The following UNC79 variants were observed in gnomAD, a reference collection of about 807,000 sequenced individuals.
UNC79 encodes protein unc-79 homolog.
A neutral mutation model predicts 283.1 loss-of-function variants in UNC79; 37 were observed. That is an observed-to-expected ratio of 0.13 (90% CI 0.10 to 0.17). UNC79 has a LOEUF of 0.17. Among genes scored for constraint, UNC79 ranks in the 10% least tolerant of loss-of-function variants. The pLI is 1.00. For missense variants in UNC79, 2,272 were observed against 3,211.1 expected (o/e 0.71, Z 7.07); for synonymous variants, 1,107 against 1,200.2 (o/e 0.92, Z 1.61).
intron 24 of UNC79, among the ~76,000 whole-genome samples, chr14:93,599,357 T>A (rs1225230881): frequency 2.4e-5 from 3 of 125,200 alleles, no homozygotes; most frequent in Admixed American, 7.4e-5. Context: ...TACTTAAGTG[T>A]GTGTGTGTGT....
intron 16 of UNC79, among the ~76,000 whole-genome samples, chr14:93,573,280 A>G (rs577468743): frequency 9.2e-5 from 14 of 152,240 alleles, no homozygotes; most frequent in African/African-American, 3.1e-4. Flanking sequence ...ATTATCCCCT[A>G]TGTGAACTTT....
intron 40 of UNC79, among the ~76,000 whole-genome samples, chr14:93,666,627 C>T (rs560828240): frequency 2.6e-5 from 4 of 152,106 alleles, no homozygotes; most frequent in Admixed American, 2.6e-4. Flanking sequence ...ATATAATAGG[C>T]TTACAAAGAT....
chr14:93,398,371 G>C (rs1418782002), intron 1 of UNC79, among the ~76,000 whole-genome samples: 2 of 152,154 alleles, frequency 1.3e-5, no homozygotes, highest in Non-Finnish European at 2.9e-5. Flanking sequence ...TTATAGAGAA[G>C]AAACAAGTTT....
chr14:93,337,915 C>T (rs1019354596), intron 1 of UNC79, among the ~76,000 whole-genome samples: 1 of 152,080 alleles, frequency 6.6e-6, no homozygotes, highest in Admixed American at 6.5e-5. Context: ...ATGTCTGGTC[C>T]AGCTGCAGCC....
chr14:93,692,277 G>A (rs915573977), intron 46 of UNC79, among the ~76,000 whole-genome samples: 1 of 152,094 alleles, frequency 6.6e-6, no homozygotes, highest in South Asian at 2.1e-4. Flanking sequence ...CAATGTACAT[G>A]TTAAATAGCT....
At chr14:93,555,549 G>A (rs1476287780) in intron 14 of UNC79, among the ~76,000 whole-genome samples, 4 of 151,990 alleles carry the variant, frequency 2.6e-5, no homozygotes, top group African/African-American at 9.7e-5. Flanking sequence ...GACTACAGGT[G>A]CACGCCACCA....
chr14:93,626,796 T>C (rs1352508009), intron 30 of UNC79, among the ~76,000 whole-genome samples: 2 of 152,214 alleles, frequency 1.3e-5, no homozygotes, highest in African/African-American at 4.8e-5. Context: ...AGACAAACAT[T>C]AGTATAGAGT....
rs553638918 is a variant in UNC79, at chr14:93,669,075, A to G, written c.6637-4276A>G. The stretch of plus-strand genomic sequence containing the variant: ...GCATTACACAATGTTAAATAAATGG[A>G]AAGAGATTTTATGTTCATGGATGAA... On this transcript the variant is annotated intron_variant, in intron 40 of 48. Transcript: ENST00000555664. Among the ~76,000 whole-genome samples, 30 of 151,958 alleles carry G rather than the reference A, an allele frequency of 2.0e-4. No homozygotes were observed. In the South Asian group the frequency reaches 6.0e-3, roughly 31 times the overall value.
intron 29 of UNC79, among the ~76,000 whole-genome samples, 157 bp downstream of exon 30, chr14:93,618,511 T>G (rs1239027823): frequency 1.3e-5 from 2 of 152,212 alleles, no homozygotes; most frequent in Non-Finnish European, 2.9e-5. Flanking sequence ...ATGTTGCTGC[T>G]TTAACTTTGA....
chr14:93,636,735 G>T (rs1026093251), intron 31 of UNC79, among the ~76,000 whole-genome samples: 1 of 151,752 alleles, frequency 6.6e-6, no homozygotes, highest in African/African-American at 2.4e-5. Context: ...CTCCATTTTT[G>T]CCCCCTCCCC....
intron 1 of UNC79, among the ~76,000 whole-genome samples, chr14:93,431,844 C>T (rs2055893982): frequency 6.6e-6 from 1 of 152,164 alleles, no homozygotes. Flanking sequence ...CATAGTCTGT[C>T]TTATTGCAGT....
intron 14 of UNC79, among the ~76,000 whole-genome samples, chr14:93,542,918 T>G (rs910585187): frequency 1.3e-5 from 2 of 151,910 alleles, no homozygotes; most frequent in African/African-American, 2.4e-5. Flanking sequence ...TGAGGTATCT[T>G]TAAGAATTTA....
At chr14:93,596,231 T>C (rs143873355) in intron 23 of UNC79, among the ~76,000 whole-genome samples, 2 of 152,318 alleles carry the variant, frequency 1.3e-5, no homozygotes, top group African/African-American at 4.8e-5. Context: ...AAATGAGTAG[T>C]ACTTTTACAG....
chr14:93,589,968 G>A (rs182722153), intron 22 of UNC79, among the ~76,000 whole-genome samples: 1 of 152,294 alleles, frequency 6.6e-6, no homozygotes, highest in Non-Finnish European at 1.5e-5. Flanking sequence ...GCTGAGGTGG[G>A]AGGATTGCTT....
Position 93,496,355 on chromosome 14 carries a change from G to T in UNC79, c.713-56G>T. The T allele has an allele frequency of 2.6e-6, 3 of 1,170,474 alleles. No individual in the cohort carries two copies. In the East Asian group the frequency reaches 8.1e-5, roughly 32 times the overall value. 72.5% of individuals were successfully genotyped at this position (1,170,474 alleles called of 1,614,324 possible). A position where few individuals can be genotyped will look rare whatever the true frequency, so the allele number is the denominator to read the frequency against. ...TAATTTCTTATATATGTATATCAAA[G>T]GATGTTTTGTCTGGTATTTACATTT... On this transcript the variant is annotated intron_variant, in intron 5 of 48. Transcript: ENST00000555664.
intron 1 of UNC79, chr14:93,347,419 G>A: frequency 2.7e-6 from 4 of 1,475,142 alleles, no homozygotes; most frequent in Non-Finnish European, 3.6e-6. Flanking sequence ...AGCCATCATG[G>A]TGGGCGGGAA....
intron 1 of UNC79, among the ~76,000 whole-genome samples, chr14:93,352,973 CAT>C (rs2054007874): frequency 6.6e-6 from 1 of 152,192 alleles, no homozygotes; most frequent in Non-Finnish European, 1.5e-5. Context: ...TATGCACAAA[CAT>C]AGACATACAA....
intron 8 of UNC79, among the ~76,000 whole-genome samples, chr14:93,527,611 A>T (rs546839991): frequency 2.1e-4 from 32 of 152,258 alleles, no homozygotes; most frequent in Non-Finnish European, 5.9e-5. Context: ...TTTGGGTTAT[A>T]AGTTTAGGTG....
At chr14:93,685,647 A>T (rs562241696) in intron 42 of UNC79, among the ~76,000 whole-genome samples, 5 of 152,154 alleles carry the variant, frequency 3.3e-5, no homozygotes, top group Non-Finnish European at 7.3e-5. Context: ...TAAGTCTATA[A>T]TGTTCCAGAT....
Sources: allele counts gnomAD v4.1 joint callset (sites outside exome capture counted in the v4.1 genomes callset), GRCh38; gene constraint gnomAD v4.1.1; transcripts MANE v1.5; gene names NCBI Gene and HGNC (gene_info 2026-07-23, HGNC 2026-07-21).